The following UBE4B variants were observed in gnomAD, a reference collection of about 807,000 sequenced individuals.
The protein encoded by UBE4B is ubiquitin conjugation factor E4 B.
UBE4B carries 27 observed loss-of-function variants against 148.1 expected under a neutral mutation model. The ratio of observed to expected loss-of-function variants is 0.18; its 90% CI spans 0.13 to 0.25. The LOEUF (loss-of-function observed/expected upper bound fraction) is 0.25, where lower values mean the gene tolerates loss of function less well. UBE4B is among the 10% of genes least tolerant of loss of function. The probability of loss-of-function intolerance (pLI) is 1.00; values close to 1 mark genes in which losing one functional copy is unlikely to be tolerated. For synonymous variants in UBE4B, 596 were observed against 619.3 expected (o/e 0.96, Z 0.56); for missense variants, 1,170 against 1,662.4 (o/e 0.70, Z 5.15).
chr1:10,156,365 C>G (rs1288177694), intron 21 of UBE4B, among the ~76,000 whole-genome samples: 2 of 151,588 alleles, frequency 1.3e-5, no homozygotes, highest in African/African-American at 4.9e-5. Flanking sequence ...TCAGCCTCCC[C>G]TGTAGCTGGG....
At position 10,106,370 on chromosome 1, in the gene UBE4B, C is replaced by A. The variant is rs755292165; in HGVS notation, c.983C>A (p.Pro328Gln). 9.3e-6 allele frequency: 15 copies of A among 1,613,814 alleles called. No homozygotes were observed. The South Asian group carries it at 1.6e-4, about 18-fold the overall frequency. Residue 328 changes from proline to glutamine, a missense_variant, in exon 7 of 28, where the codon CCG becomes CAG. Coordinates refer to ENST00000343090, the MANE Select transcript of UBE4B (RefSeq NM_001105562.3). This position sits in a 1 kb window ranked among gnomAD's most constrained non-coding sequence, Gnocchi z 4.2. Reference protein sequence around the residue: ...GTAAGSQPSSPRYRPYTVTHP... With the variant: ...GTAAGSQPSSQRYRPYTVTHP... The stretch of plus-strand genomic sequence containing the variant: ...GCTGCGGGAAGCCAGCCTTCATCCC[C>A]GCGGTATCGCCCCTACACTGTCACT...
At chr1:10,142,841 C>A (rs974498007) in intron 17 of UBE4B, among the ~76,000 whole-genome samples, 1 of 152,012 alleles carries the variant, frequency 6.6e-6, no homozygotes, top group African/African-American at 2.4e-5. Flanking sequence ...ATCTCCTTCG[C>A]TTGCCTGGTG....
intron 2 of UBE4B, among the ~76,000 whole-genome samples, chr1:10,089,335 CT>C (rs781352359): frequency 1.3e-5 from 2 of 151,964 alleles, no homozygotes; most frequent in African/African-American, 2.4e-5. Flanking sequence ...AGGAAATTAG[CT>C]GCTAAGAAAA....
At chr1:10,135,884 A>C (rs1388394989) in intron 16 of UBE4B, among the ~76,000 whole-genome samples, 1 of 152,166 alleles carries the variant, frequency 6.6e-6, no homozygotes, top group African/African-American at 2.4e-5. Context: ...ACCTATCTGA[A>C]GTGAATTCTG....
intron 2 of UBE4B, among the ~76,000 whole-genome samples, chr1:10,073,418 C>A (rs551622179): frequency 6.6e-6 from 1 of 152,278 alleles, no homozygotes; most frequent in East Asian, 1.9e-4. Flanking sequence ...ATGTCTGTCT[C>A]ATTTCGAATT....
chr1:10,119,633 G>C lies in UBE4B; in HGVS notation c.1439+20G>C. On this transcript the variant is annotated intron_variant, in intron 9 of 27. Coordinates refer to ENST00000343090, the MANE Select transcript of UBE4B (RefSeq NM_001105562.3). ...GCCCAGGTATGAAGACCCGTGACGT[G>C]CTTGACATTAGCAGGCAGAGAGCCC... is the stretch of plus-strand genomic sequence containing the variant. 1 of 1,606,418 alleles carries C rather than the reference G, an allele frequency of 6.2e-7. No homozygotes were observed. The highest frequency in any genetic ancestry group is 1.1e-5 in the South Asian group (1 of 90,820).
intron 18 of UBE4B, among the ~76,000 whole-genome samples, chr1:10,146,334 C>T (rs1430201071): frequency 6.6e-6 from 1 of 152,200 alleles, no homozygotes; most frequent in African/African-American, 2.4e-5. Context: ...CGACTGAAAT[C>T]TCTGCCATTC....
intron 21 of UBE4B, 140 bp downstream of exon 21, chr1:10,151,701 G>A (rs1013019509): frequency 1.2e-4 from 87 of 720,526 alleles, no homozygotes; most frequent in Non-Finnish European, 5.7e-5. Context: ...GTGGCCTGCA[G>A]AGGATGTACT....
At chr1:10,039,666 C>T (rs1643682532) in intron 1 of UBE4B, among the ~76,000 whole-genome samples, 1 of 151,812 alleles carries the variant, frequency 6.6e-6, no homozygotes, top group African/African-American at 2.4e-5. Context: ...TTTCAAACTC[C>T]TGACCTCAAG....
chr1:10,104,044 G>A (rs1025449550), intron 5 of UBE4B, among the ~76,000 whole-genome samples: 2 of 152,168 alleles, frequency 1.3e-5, no homozygotes, highest in African/African-American at 4.8e-5. Context: ...ACAGGCTTGA[G>A]CCACCGAGCC....
intron 7 of UBE4B, among the ~76,000 whole-genome samples, chr1:10,108,065 C>T (rs1645146776): frequency 6.6e-6 from 1 of 152,084 alleles, no homozygotes; most frequent in Non-Finnish European, 1.5e-5. Flanking sequence ...ACAACTTGTA[C>T]TCTCTGAGGC....
chr1:10,087,292 G>A (rs544358196), intron 2 of UBE4B, among the ~76,000 whole-genome samples: 2 of 152,186 alleles, frequency 1.3e-5, no homozygotes, highest in African/African-American at 4.8e-5. Context: ...TAGTTTCTTT[G>A]TAAAATGAAC....
chr1:10,102,657 G>T (rs1257476401), intron 4 of UBE4B, among the ~76,000 whole-genome samples: 1 of 151,666 alleles, frequency 6.6e-6, no homozygotes, highest in Non-Finnish European at 1.5e-5. Context: ...GTGATCCACT[G>T]GCCTCGGCCT....
At position 10,052,069 on chromosome 1, in the gene UBE4B, A is replaced by AT. The variant is rs1276080376; in HGVS notation, c.24+18390dup. 0.015 allele frequency among the ~76,000 whole-genome samples: 2,185 copies of AT among 141,926 alleles called. 107 individuals carry two copies. In the East Asian group the frequency reaches 0.18, roughly 12 times the overall value. The allele number at this position is 141,926 out of a possible 152,430, so 93.1% of individuals were successfully genotyped here. A position where few individuals can be genotyped will look rare whatever the true frequency, so the allele number is the denominator to read the frequency against. On this transcript the variant is annotated intron_variant, in intron 1 of 27. Coordinates refer to ENST00000343090, the MANE Select transcript of UBE4B (RefSeq NM_001105562.3). ...TAAATTCTAGATGTCTAATAGTGTCATTTTTTTTTTTTTTTGAGACGGGGT... is the reference window on the plus strand; with the variant it reads ...TAAATTCTAGATGTCTAATAGTGTCATTTTTTTTTTTTTTTTGAGACGGGGT...
At chr1:10,071,999 T>A (rs776231321) in intron 1 of UBE4B, 29 bp from the exon 2 acceptor site, 3 of 1,546,126 alleles carry the variant, frequency 1.9e-6, no homozygotes, top group Non-Finnish European at 2.6e-6. Flanking sequence ...TGATTAGTTA[T>A]AGAATGCCCT....
intron 25 of UBE4B, among the ~76,000 whole-genome samples, chr1:10,173,818 C>T (rs933320455): frequency 8.5e-5 from 13 of 152,202 alleles, no homozygotes; most frequent in Non-Finnish European, 1.5e-4. Flanking sequence ...CAGAAGGTTT[C>T]GGTGTGGGTG....
rs936153267 is a variant in UBE4B, at chr1:10,086,096, C to T, written c.212-9365C>T. On this transcript the variant is annotated intron_variant, in intron 2 of 27. Transcript: ENST00000343090. ...ACGCCATTCTCCTGCTTCAGCCTCC[C>T]GAGTAGCTGGGACTACAGGCGCCCG... is the stretch of plus-strand genomic sequence containing the variant. Among the ~76,000 whole-genome samples the T allele has an allele frequency of 9.9e-5, 15 of 152,060 alleles. No homozygotes were observed. The East Asian group carries it at 1.4e-3, about 14-fold the overall frequency.
At chr1:10,074,445 C>T (rs1274790702) in intron 2 of UBE4B, among the ~76,000 whole-genome samples, 1 of 152,090 alleles carries the variant, frequency 6.6e-6, no homozygotes, top group Non-Finnish European at 1.5e-5. Context: ...AGCTTCTCCC[C>T]CACATCTCTG....
intron 1 of UBE4B, among the ~76,000 whole-genome samples, chr1:10,041,910 G>T (rs1268610744): frequency 1.3e-5 from 2 of 152,018 alleles, no homozygotes; most frequent in African/African-American, 4.8e-5. Context: ...GGCCAGGCTG[G>T]TCTCAAACTC....
Sources: gnomAD v4.1 joint callset for allele counts (sites outside exome capture counted in the v4.1 genomes callset) on GRCh38, gnomAD v4.1.1 for gene constraint, Gnocchi (gnomAD v3.1) non-coding constraint, MANE v1.5 for transcripts, NCBI Gene and HGNC (gene_info 2026-07-23, HGNC 2026-07-21) for gene names.